The following GLS variants were observed in gnomAD, a reference collection of about 807,000 sequenced individuals.
GLS encodes glutaminase kidney isoform, mitochondrial.
A neutral mutation model predicts 86.7 loss-of-function variants in GLS; 36 were observed. That is an observed-to-expected ratio of 0.42 (90% CI 0.32 to 0.55). The LOEUF is 0.55. GLS is among the 20% of genes least tolerant of loss of function. GLS has a pLI of 0.17. For missense variants in GLS, 528 were observed against 833.4 expected (o/e 0.63, Z 4.51); for synonymous variants, 317 against 305.9 (o/e 1.04, Z -0.38).
chr2:190,930,967 G>A lies in GLS; in HGVS notation c.1557+399G>A, dbSNP rs1377059506. 6.6e-6 allele frequency among the ~76,000 whole-genome samples: 1 copy of A among 151,696 alleles called. No homozygotes were observed. ...TGACTACCTTTAAACATTTTTTTGA[G>A]GAAATAAGCACTGAAAATTAAAAAA... is the stretch of plus-strand genomic sequence containing the variant. On this transcript the variant is annotated intron_variant, in intron 13 of 17. Coordinates refer to ENST00000320717, the MANE Select transcript of GLS (RefSeq NM_014905.5). This position sits in a 1 kb window ranked among gnomAD's most constrained non-coding sequence, Gnocchi z 5.0.
In GLS at chr2:190,923,932, A is replaced by G. The variant is rs778257685; in HGVS notation, c.1146A>G (p.Arg382=). The part of the protein sequence containing the change: ...GFSNATFQSE[R]ESGDRNFAIG... ...CTTCTTCCAGGTTTCAGTCTGAAAG[A>G]GAAAGTGGAGATCGAAATTTTGCAA... Residue 382 remains arginine, a synonymous_variant, in exon 10 of 18, where the codon AGA becomes AGG. Transcript: ENST00000320717. The G allele has an allele frequency of 6.4e-7, 1 of 1,569,190 alleles. No individual in the cohort carries two copies. The highest frequency in any genetic ancestry group is 8.7e-7 in the Non-Finnish European group (1 of 1,145,850).
At position 190,901,963 on chromosome 2, in the gene GLS, C is replaced by A; in HGVS notation, c.752C>A (p.Pro251His). The A allele has an allele frequency of 6.2e-7, 1 of 1,606,192 alleles. No individual in the cohort carries two copies. Among genetic ancestry groups the A allele is most frequent in the Non-Finnish European group, 8.5e-7 (1 of 1,173,064 alleles). ...TTTGGATAGGTTGCAGATTATATTCCTCAACTGGCCAAATTCAGTCCCGAT... is the reference window on the plus strand; with the variant it reads ...TTTGGATAGGTTGCAGATTATATTCATCAACTGGCCAAATTCAGTCCCGAT... Reference protein sequence around the residue: ...QSGGKVADYIPQLAKFSPDLW... With the variant: ...QSGGKVADYIHQLAKFSPDLW... The change falls in exon 5 of 18, where the codon CCT (proline) becomes CAT (histidine). Residue 251 changes from proline (P) to histidine (H), a missense_variant. This residue lies in a region of GLS where 111 missense variants were observed against 179.5 expected (regional missense o/e 0.62). Coordinates refer to ENST00000320717, the MANE Select transcript of GLS (RefSeq NM_014905.5).
intron 3 of GLS, among the ~76,000 whole-genome samples, chr2:190,898,668 G>C (rs1484442865): frequency 6.6e-6 from 1 of 152,090 alleles, no homozygotes; most frequent in Non-Finnish European, 1.5e-5. Flanking sequence ...TTTTGCTCTT[G>C]TTGCCCAGGC....
rs1294420014 is a variant in GLS, at chr2:190,930,964, T to A, written c.1557+396T>A. Among the ~76,000 whole-genome samples the A allele has an allele frequency of 6.6e-6, 1 of 152,192 alleles. No individual in the cohort carries two copies. The highest frequency in any genetic ancestry group is 2.4e-5 in the African/African-American group (1 of 41,454). On this transcript the variant is annotated intron_variant, in intron 13 of 17. Coordinates refer to ENST00000320717, the MANE Select transcript of GLS (RefSeq NM_014905.5). This position sits in a 1 kb window ranked among gnomAD's most constrained non-coding sequence, Gnocchi z 5.0. ...CATTGACTACCTTTAAACATTTTTT[T>A]GAGGAAATAAGCACTGAAAATTAAA...
chr2:190,951,001 A>G lies in GLS; in HGVS notation c.1651-2564A>G, dbSNP rs1005303320. Among the ~76,000 whole-genome samples, 2 of 152,204 alleles carry G rather than the reference A, an allele frequency of 1.3e-5. No homozygotes were observed. The highest frequency in any genetic ancestry group is 6.5e-5 in the Admixed American group (1 of 15,276). Reference sequence around the variant, plus strand: ...TGCTGTTTTTGAGTTTGAAGTGACTATCAAGTGGAGCTGTAGGACTGGAGC... The same window carrying G: ...TGCTGTTTTTGAGTTTGAAGTGACTGTCAAGTGGAGCTGTAGGACTGGAGC... On this transcript the variant is annotated intron_variant, in intron 14 of 17. Transcript: ENST00000320717. The surrounding 1 kb of genome is among the most constrained non-coding windows in gnomAD (Gnocchi z 4.2).
intron 1 of GLS, among the ~76,000 whole-genome samples, chr2:190,891,647 G>A (rs541899421): frequency 3.5e-4 from 53 of 152,196 alleles, no homozygotes; most frequent in African/African-American, 1.2e-3. Flanking sequence ...TTTGGTCAGT[G>A]GGGTAAGCAA....
intron 9 of GLS, among the ~76,000 whole-genome samples, chr2:190,922,740 A>C (rs1689782724): frequency 6.6e-6 from 1 of 152,160 alleles, no homozygotes; most frequent in South Asian, 2.1e-4. Context: ...AGAATTTGAA[A>C]TGTTAAAATG....
chr2:190,895,528 TA>T lies in GLS; in HGVS notation c.484-72del. On this transcript the variant is annotated intron_variant, in intron 2 of 17. Coordinates refer to ENST00000320717, the MANE Select transcript of GLS (RefSeq NM_014905.5). The surrounding 1 kb of genome is among the most constrained non-coding windows in gnomAD (Gnocchi z 4.2). ...GGGTAGAAGTTTTTATATACAGGAA[TA>T]AAATCTTATAGTTGGTATAAGCATA... The T allele has an allele frequency of 9.4e-7, 1 of 1,058,828 alleles. No homozygotes were observed. The highest frequency in any genetic ancestry group is 2.2e-5 in the Admixed American group (1 of 45,382). 65.6% of individuals were successfully genotyped at this position (1,058,828 alleles called of 1,614,324 possible). A position where few individuals can be genotyped will look rare whatever the true frequency, so the allele number is the denominator to read the frequency against.
chr2:190,947,313 C>T lies in GLS; in HGVS notation c.1651-6252C>T, dbSNP rs976527670. 6.6e-6 allele frequency among the ~76,000 whole-genome samples: 1 copy of T among 152,154 alleles called. No individual in the cohort carries two copies. The highest frequency in any genetic ancestry group is 2.4e-5 in the African/African-American group (1 of 41,438). On this transcript the variant is annotated intron_variant, in intron 14 of 17. Coordinates refer to ENST00000320717, the MANE Select transcript of GLS (RefSeq NM_014905.5). The surrounding 1 kb of genome is among the most constrained non-coding windows in gnomAD (Gnocchi z 5.0). ...AGTGAGATTTGCTATGCCAAGCATG[C>T]CAGTGTTAAGTGAACTCATGTGAAC...
Position 190,914,010 on chromosome 2 carries a change from C to G in GLS, c.1038+3689C>G, listed in dbSNP as rs1689441189. 6.6e-6 allele frequency among the ~76,000 whole-genome samples: 1 copy of G among 152,022 alleles called. No homozygotes were observed. The highest frequency in any genetic ancestry group is 6.6e-5 in the Admixed American group (1 of 15,250). On this transcript the variant is annotated intron_variant, in intron 7 of 17. Coordinates refer to ENST00000320717, the MANE Select transcript of GLS (RefSeq NM_014905.5). This position sits in a 1 kb window ranked among gnomAD's most constrained non-coding sequence, Gnocchi z 4.4. Reference sequence around the variant, plus strand: ...TCTTGCCATATTGCCCAGGCTGGTCCCAAACTCCTGGCCTAAAGTGATCCT... The same window carrying G: ...TCTTGCCATATTGCCCAGGCTGGTCGCAAACTCCTGGCCTAAAGTGATCCT...
At position 190,951,945 on chromosome 2, in the gene GLS, C is replaced by G. The variant is rs1558994687; in HGVS notation, c.1651-1620C>G. On this transcript the variant is annotated intron_variant, in intron 14 of 17. Coordinates refer to ENST00000320717, the MANE Select transcript of GLS (RefSeq NM_014905.5). This position sits in a 1 kb window ranked among gnomAD's most constrained non-coding sequence, Gnocchi z 4.2. ...ATGGGCTGAGCATGTTGGCTCATGC[C>G]TGTAATCCCAACAGTTTGGGAGGCC... Among the ~76,000 whole-genome samples the G allele has an allele frequency of 6.6e-6, 1 of 152,198 alleles. No homozygotes were observed. Among genetic ancestry groups the G allele is most frequent in the Non-Finnish European group, 1.5e-5 (1 of 68,042 alleles).
At chr2:190,959,521 G>C (rs896146393) in intron 17 of GLS, among the ~76,000 whole-genome samples, 1 of 152,140 alleles carries the variant, frequency 6.6e-6, no homozygotes, top group Non-Finnish European at 1.5e-5. Flanking sequence ...AGTGTCAATG[G>C]TCTTTACAAT....
At chr2:190,889,139 C>T (rs1688483772) in intron 1 of GLS, among the ~76,000 whole-genome samples, 1 of 152,116 alleles carries the variant, frequency 6.6e-6, no homozygotes, top group African/African-American at 2.4e-5. Flanking sequence ...CATTTAATTC[C>T]AGCTCATTTT....
At chr2:190,922,873 T>G (rs1005873845) in intron 9 of GLS, among the ~76,000 whole-genome samples, 16 of 152,190 alleles carry the variant, frequency 1.1e-4, no homozygotes, top group African/African-American at 3.6e-4. Flanking sequence ...TAAATCTGTC[T>G]AAATCAAAAC....
At position 190,881,444 on chromosome 2, in the gene GLS, C is replaced by T. The variant is rs932725310; in HGVS notation, c.360C>T (p.Gly120=). 5.2e-6 allele frequency: 8 copies of T among 1,544,148 alleles called. No homozygotes were observed. Among genetic ancestry groups the T allele is most frequent in the East Asian group, 5.0e-5 (2 of 40,150 alleles). The change falls in exon 1 of 18, where the codon GGC becomes GGT. Residue 120 remains glycine (G), a synonymous_variant. Transcript: ENST00000320717. ...CGGACGCGTTTGGCAACAGCGAGGG[C>T]AAAGAGCTGGTGGCCTCAGGTGAAA... ...GETDAFGNSE[G]KELVASGENK...
At chr2:190,958,790 T>G (rs1189094397) in intron 17 of GLS, among the ~76,000 whole-genome samples, 1 of 152,148 alleles carries the variant, frequency 6.6e-6, no homozygotes, top group Non-Finnish European at 1.5e-5. Flanking sequence ...AAAACTGTTA[T>G]GATTTTTGTT....
intron 4 of GLS, 78 bp downstream of exon 4, chr2:190,900,771 T>TTG: frequency 9.3e-7 from 1 of 1,074,752 alleles, no homozygotes; most frequent in Non-Finnish European, 1.4e-6. Flanking sequence ...AGAGAGTAAA[T>TTG]TGTGTAGTTG....
chr2:190,895,609 C>A lies in GLS; in HGVS notation c.489C>A (p.Leu163=). ...TCTTATTTTTTTAAAAACAGGCACT[C>A]AAATCTACAGGATTGCGAACGTCTG... The part of the protein sequence containing the change: ...KIPVHKFITA[L]KSTGLRTSDP... Residue 163 remains leucine, a synonymous_variant, in exon 3 of 18, where the codon CTC becomes CTA. Coordinates refer to ENST00000320717, the MANE Select transcript of GLS (RefSeq NM_014905.5). The surrounding 1 kb of genome is among the most constrained non-coding windows in gnomAD (Gnocchi z 4.2). 6.3e-7 allele frequency: 1 copy of A among 1,594,172 alleles called. No individual in the cohort carries two copies. The highest frequency in any genetic ancestry group is 1.1e-5 in the South Asian group (1 of 88,242).
intron 3 of GLS, among the ~76,000 whole-genome samples, chr2:190,898,296 GA>G: frequency 6.6e-6 from 1 of 152,296 alleles, no homozygotes; most frequent in East Asian, 1.9e-4. Context: ...CTTAAGGAAA[GA>G]AAATGATTAT....
Sources: gnomAD v4.1 joint callset for allele counts (sites outside exome capture counted in the v4.1 genomes callset) on GRCh38, gnomAD v4.1.1 for gene constraint, gnomAD v4.1.1 regional missense constraint, Gnocchi (gnomAD v3.1) non-coding constraint, MANE v1.5 for transcripts, NCBI Gene and HGNC (gene_info 2026-07-23, HGNC 2026-07-21) for gene names.